The following SGCZ variants were observed in gnomAD, a reference collection of about 807,000 sequenced individuals.
SGCZ encodes sarcoglycan zeta.
Under a neutral mutation model 41.3 loss-of-function variants are expected in SGCZ, and 40 were observed. The ratio of observed to expected loss-of-function variants is 0.97; its 90% CI spans 0.75 to 1.26. The LOEUF is 1.26. Ranked by LOEUF, SGCZ falls within the 50% of genes most tolerant of loss-of-function variation. SGCZ has a pLI of 0.00. For synonymous variants in SGCZ, 206 were observed against 137.5 expected (o/e 1.50, Z -3.49); for missense variants, 552 against 369.8 (o/e 1.49, Z -4.04).
At chr8:15,107,932 T>G (rs1305888247) in intron 1 of SGCZ, among the ~76,000 whole-genome samples, 1 of 152,190 alleles carries the variant, frequency 6.6e-6, no homozygotes, top group Non-Finnish European at 1.5e-5. Flanking sequence ...CTTGAACAAA[T>G]CATTATAAGT....
rs200896009 is a variant in SGCZ at position 14,087,714 on chromosome 8, TAAAA to T, written c.*2725_*2728del. Among the ~76,000 whole-genome samples the T allele has an allele frequency of 1.4e-4, 20 of 147,506 alleles. No individual in the cohort carries two copies. The highest frequency in any genetic ancestry group is 4.9e-4 in the African/African-American group (20 of 40,578). On this transcript the variant is annotated 3_prime_UTR_variant, in exon 8 of 8. Transcript: ENST00000382080. Reference sequence around the variant, plus strand: ...TGCAATTAAGGGACCACTATATTTTTAAAAAAAAAAAAATGCTTTTTTGTGTTTG... The same window carrying T: ...TGCAATTAAGGGACCACTATATTTTTAAAAAAAAATGCTTTTTTGTGTTTG...
At chr8:14,444,359 A>T (rs996277611) in intron 2 of SGCZ, among the ~76,000 whole-genome samples, 4 of 152,124 alleles carry the variant, frequency 2.6e-5, no homozygotes, top group African/African-American at 9.7e-5. Context: ...AGACACATGC[A>T]CACGTATGTT....
At chr8:14,337,500 G>C (rs1802545888) in intron 2 of SGCZ, among the ~76,000 whole-genome samples, 1 of 152,138 alleles carries the variant, frequency 6.6e-6, no homozygotes. Flanking sequence ...GACTACAGGA[G>C]ACGATTCTAA....
At chr8:15,081,758 T>A (rs1805755938) in intron 1 of SGCZ, among the ~76,000 whole-genome samples, 3 of 152,088 alleles carry the variant, frequency 2.0e-5, no homozygotes, top group African/African-American at 7.2e-5. Context: ...GAGCTTAGAA[T>A]GTGAGAGAAA....
At chr8:14,335,503 A>C (rs962478290) in intron 2 of SGCZ, among the ~76,000 whole-genome samples, 1 of 152,112 alleles carries the variant, frequency 6.6e-6, no homozygotes, top group African/African-American at 2.4e-5. Context: ...TCTTTTTAAC[A>C]TCTTATCCGT....
chr8:14,183,152 C>T (rs1022562498), intron 4 of SGCZ, among the ~76,000 whole-genome samples: 13 of 151,980 alleles, frequency 8.6e-5, no homozygotes, highest in Non-Finnish European at 2.9e-5. Flanking sequence ...TTCATGGCAA[C>T]ATTATAAATC....
intron 1 of SGCZ, among the ~76,000 whole-genome samples, chr8:15,052,777 C>T (rs1017306449): frequency 6.6e-6 from 1 of 152,092 alleles, no homozygotes; most frequent in Non-Finnish European, 1.5e-5. Flanking sequence ...AAAAGCATAT[C>T]CAATTTTAAT....
At chr8:14,634,374 T>C (rs554525822) in intron 1 of SGCZ, among the ~76,000 whole-genome samples, 1 of 151,962 alleles carries the variant, frequency 6.6e-6, no homozygotes, top group South Asian at 2.1e-4. Flanking sequence ...TTTTTTTTGT[T>C]CTGTGTTTTT....
In SGCZ at chr8:14,864,044, T is replaced by C. The variant is rs186764246; in HGVS notation, c.40-309118A>G. 2.8e-3 allele frequency among the ~76,000 whole-genome samples: 422 copies of C among 152,288 alleles called. 2 individuals carry two copies. Among genetic ancestry groups the C allele is most frequent in the African/African-American group, 9.7e-3 (404 of 41,572 alleles). The stretch of plus-strand genomic sequence containing the variant: ...GCGACCTTCTCTTTGACCTCACCAA[T>C]TCCCACATCAATATATTTCCTGGTA... On this transcript the variant is annotated intron_variant, in intron 1 of 7. Coordinates refer to ENST00000382080, the MANE Select transcript of SGCZ (RefSeq NM_139167.4).
At chr8:14,980,710 T>C (rs1275570615) in intron 1 of SGCZ, among the ~76,000 whole-genome samples, 1 of 149,752 alleles carries the variant, frequency 6.7e-6, no homozygotes, top group Non-Finnish European at 1.5e-5. Context: ...GAGAACATTA[T>C]GGGGGAAACT....
intron 1 of SGCZ, among the ~76,000 whole-genome samples, chr8:15,205,165 C>T (rs9918926): frequency 0.055 from 8,309 of 152,110 alleles, 257 homozygotes; most frequent in South Asian, 0.074. Context: ...TGGAAAACAA[C>T]GAAGGCAATA....
intron 1 of SGCZ, among the ~76,000 whole-genome samples, chr8:14,745,176 A>C (rs73664468): frequency 6.6e-6 from 1 of 151,394 alleles, no homozygotes; most frequent in South Asian, 2.1e-4. Flanking sequence ...GTGCAACATC[A>C]CTTCATTTTC....
intron 1 of SGCZ, among the ~76,000 whole-genome samples, chr8:15,086,346 C>G (rs1008410642): frequency 2.6e-5 from 4 of 152,156 alleles, no homozygotes; most frequent in Non-Finnish European, 2.9e-5. Context: ...AAAGACCATT[C>G]GCATACCTTA....
intron 3 of SGCZ, among the ~76,000 whole-genome samples, chr8:14,275,906 C>G (rs1800212424): frequency 6.6e-6 from 1 of 152,208 alleles, no homozygotes; most frequent in Non-Finnish European, 1.5e-5. Flanking sequence ...TATCCTTTGT[C>G]TGCTAAACTC....
intron 2 of SGCZ, among the ~76,000 whole-genome samples, chr8:14,439,310 AATAT>A (rs57569373): frequency 4.9e-5 from 7 of 142,712 alleles, no homozygotes; most frequent in South Asian, 2.2e-4. Flanking sequence ...AGAAGAAAGA[AATAT>A]ATATATATAT....
chr8:14,091,542 T>C (rs1409746959), intron 7 of SGCZ, among the ~76,000 whole-genome samples: 1 of 152,168 alleles, frequency 6.6e-6, no homozygotes, highest in Non-Finnish European at 1.5e-5. Context: ...TGGTATCCCA[T>C]TGTGGATTTG....
At chr8:15,097,766 T>TA (rs1563123721) in intron 1 of SGCZ, among the ~76,000 whole-genome samples, 14 of 129,330 alleles carry the variant, frequency 1.1e-4, no homozygotes, top group African/African-American at 3.9e-4. Context: ...ATATATGTGT[T>TA]TATATATATA....
intron 1 of SGCZ, among the ~76,000 whole-genome samples, chr8:14,650,204 C>T (rs1319645537): frequency 1.3e-5 from 2 of 151,964 alleles, no homozygotes; most frequent in African/African-American, 2.4e-5. Flanking sequence ...CACTGGATAA[C>T]AGACACTACA....
At chr8:14,822,021 A>G (rs377571671) in intron 1 of SGCZ, among the ~76,000 whole-genome samples, 11 of 151,826 alleles carry the variant, frequency 7.2e-5, no homozygotes, top group African/African-American at 2.4e-4. Flanking sequence ...AAAGAAGTCA[A>G]TTGTCCCTGT....
Sources: gnomAD v4.1 joint callset for allele counts (sites outside exome capture counted in the v4.1 genomes callset) on GRCh38, gnomAD v4.1.1 for gene constraint, MANE v1.5 for transcripts, NCBI Gene and HGNC (gene_info 2026-07-23, HGNC 2026-07-21) for gene names.